Variants in CPLANE1 observed in about 807,000 individuals in gnomAD.
CPLANE1 encodes ciliogenesis and planar polarity effector 1.
In CPLANE1, 263 loss-of-function variants were observed where a neutral mutation model predicts 362.5. That is an observed-to-expected ratio of 0.73 (90% CI 0.66 to 0.80). The LOEUF (loss-of-function observed/expected upper bound fraction) is 0.80, where lower values mean the gene tolerates loss of function less well. Ranked by LOEUF, CPLANE1 falls within the 30% of genes least tolerant of loss-of-function variation. The pLI is 0.00. For missense variants in CPLANE1, 3,461 were observed against 3,793.4 expected, an observed-to-expected ratio of 0.91 and a Z score of 2.30; for synonymous variants, 1,212 against 1,302.6, an observed-to-expected ratio of 0.93 and a Z score of 1.50.
rs1377605060 is a variant in CPLANE1 at position 37,245,726 on chromosome 5, T to C, written c.201A>G (p.Leu67=). Reference sequence around the variant, plus strand: ...CTACTTAACCATTACTGGATGTTGTTAGGACAATAACATCCTTCAAGAAAG... The same window carrying C: ...CTACTTAACCATTACTGGATGTTGTCAGGACAATAACATCCTTCAAGAAAG... ...LQPFLKDVIV[L]TTSSNDAWLA... is the part of the protein sequence containing the mutation. Residue 67 remains leucine, a synonymous_variant, in exon 3 of 53, where the codon CTA becomes CTG. Coordinates refer to ENST00000651892, the MANE Select transcript of CPLANE1 (RefSeq NM_001384732.1). 6.6e-7 allele frequency: 1 copy of C among 1,524,474 alleles called. No homozygotes were observed. The highest frequency in any genetic ancestry group is 2.5e-5 in the East Asian group (1 of 40,524). 94.4% of individuals were successfully genotyped at this position (1,524,474 alleles called of 1,614,324 possible).
At chr5:37,214,208 T>C (rs1350257606) in intron 15 of CPLANE1, among the ~76,000 whole-genome samples, 1 of 152,242 alleles carries the variant, frequency 6.6e-6, no homozygotes, top group African/African-American at 2.4e-5. Flanking sequence ...CTTACACCTA[T>C]AATCCCAGCA....
At chr5:37,138,514 G>T (rs535653961) in intron 46 of CPLANE1, 5 of 694,638 alleles carry the variant, frequency 7.2e-6, no homozygotes, top group South Asian at 6.9e-5. Context: ...AGTGATTCTT[G>T]GGAAAACCCA....
rs1796564543 is a variant in CPLANE1 at position 37,226,797 on chromosome 5, C to G, written c.1798G>C (p.Val600Leu). The G allele has an allele frequency of 6.5e-7, 1 of 1,549,008 alleles. No individual in the cohort carries two copies. Among genetic ancestry groups the G allele is most frequent in the Non-Finnish European group, 8.7e-7 (1 of 1,145,862 alleles). ...ATGTAAAAAAAATGAGTGATACAAA[C>G]TACTATGTAATTTAACATTAAATTT... ...EKNLMLNYIV[V>L]CITHFFYILQ... The change falls in exon 12 of 53, where the codon GTT (valine) becomes CTT (leucine). Residue 600 changes from valine to leucine, a missense_variant. Val to Leu is a conservative substitution (Grantham distance 32). This residue lies in a region of CPLANE1 where 3,380 missense variants were observed against 3,666.1 expected (regional missense o/e 0.92). Coordinates refer to ENST00000651892, the MANE Select transcript of CPLANE1 (RefSeq NM_001384732.1).
intron 21 of CPLANE1, among the ~76,000 whole-genome samples, chr5:37,192,738 C>A (rs1006933629): frequency 6.6e-6 from 1 of 151,348 alleles, no homozygotes; most frequent in Non-Finnish European, 1.5e-5. Flanking sequence ...GTGGCAGGCG[C>A]CTGTAGTCCC....
At chr5:37,137,256 A>G (rs1319762753) in intron 46 of CPLANE1, among the ~76,000 whole-genome samples, 2 of 152,198 alleles carry the variant, frequency 1.3e-5, no homozygotes, top group Non-Finnish European at 2.9e-5. Context: ...CTAAAACATA[A>G]TAAGAATCAC....
chr5:37,134,376 G>A (rs1766931350), intron 46 of CPLANE1, among the ~76,000 whole-genome samples: 1 of 152,144 alleles, frequency 6.6e-6, no homozygotes, highest in Non-Finnish European at 1.5e-5. Context: ...GAGGGGTTGT[G>A]TGTTTCCAGG....
At chr5:37,191,692 T>C (rs1785588221) in intron 21 of CPLANE1, among the ~76,000 whole-genome samples, 2 of 152,112 alleles carry the variant, frequency 1.3e-5, no homozygotes, top group East Asian at 1.9e-4. Flanking sequence ...ATAAATTAGC[T>C]GGTACAGTGG....
chr5:37,128,458 T>C (rs1764855821), intron 46 of CPLANE1, among the ~76,000 whole-genome samples: 2 of 152,210 alleles, frequency 1.3e-5, no homozygotes, highest in Non-Finnish European at 2.9e-5. Context: ...TGAATGCATG[T>C]ATCACTGCTG....
At chr5:37,238,993 A>T in intron 7 of CPLANE1, 33 bp from the exon 8 acceptor site, 1 of 1,100,100 alleles carries the variant, frequency 9.1e-7, no homozygotes, top group Non-Finnish European at 1.3e-6. Flanking sequence ...GAAAACTATT[A>T]AAATTATTTT....
intron 25 of CPLANE1, 122 bp from the exon 26 acceptor site, chr5:37,183,821 T>C: frequency 1.5e-6 from 1 of 648,252 alleles, no homozygotes; most frequent in East Asian, 2.9e-5. Flanking sequence ...GTGCCTCAAT[T>C]ACCTACATTT....
chr5:37,224,157 C>T, intron 14 of CPLANE1, 96 bp downstream of exon 14: 1 of 734,512 alleles, frequency 1.4e-6, no homozygotes, highest in Non-Finnish European at 2.2e-6. Flanking sequence ...TATAATGGCA[C>T]ATATTTTTTG....
At chr5:37,187,660 T>TA in intron 22 of CPLANE1, 73 bp downstream of exon 22, 2 of 1,552,184 alleles carry the variant, frequency 1.3e-6, no homozygotes, top group Non-Finnish European at 1.8e-6. Flanking sequence ...CTACAAACAA[T>TA]AAAATCTTCT....
Position 37,157,795 on chromosome 5 carries a change from T to C in CPLANE1, c.7886A>G (p.Glu2629Gly). ...TTTGATAACATTATCATTTGAAGGC[T>C]CTTCTCTCACAGGTAATTCCTGTAG... ...DLLQELPVRE[E>G]PSNDNVIKQQ... is the part of the protein sequence containing the mutation. The change falls in exon 40 of 53, where the codon GAG becomes GGG. Residue 2629 changes from glutamate to glycine, a missense_variant. Glu to Gly is a moderately conservative substitution (Grantham distance 98). Transcript: ENST00000651892. 1 of 1,613,690 alleles carries C rather than the reference T, an allele frequency of 6.2e-7. No individual in the cohort carries two copies. The highest frequency in any genetic ancestry group is 8.5e-7 in the Non-Finnish European group (1 of 1,179,770).
chr5:37,229,154 T>C (rs559247673), intron 9 of CPLANE1, among the ~76,000 whole-genome samples: 4 of 142,888 alleles, frequency 2.8e-5, no homozygotes, highest in East Asian at 4.2e-4. Flanking sequence ...GAGGTGGTGG[T>C]TGCAGTAAGC....
At chr5:37,154,857 G>A (rs1268657962) in intron 41 of CPLANE1, among the ~76,000 whole-genome samples, 2 of 152,072 alleles carry the variant, frequency 1.3e-5, no homozygotes, top group Non-Finnish European at 2.9e-5. Flanking sequence ...TGTCCCATAA[G>A]CATATAAAAA....
intron 16 of CPLANE1, chr5:37,211,253 T>C: frequency 6.6e-7 from 1 of 1,504,296 alleles, no homozygotes; most frequent in Non-Finnish European, 9.2e-7. Context: ...TTGTCGCCAA[T>C]ACTAATGCAA....
chr5:37,169,266 G>A lies in CPLANE1; in HGVS notation c.6758C>T (p.Pro2253Leu). The A allele has an allele frequency of 1.2e-6, 2 of 1,614,198 alleles. No homozygotes were observed. Among genetic ancestry groups the A allele is most frequent in the Non-Finnish European group, 1.7e-6 (2 of 1,180,034 alleles). ...CCAAGCCTCTCTTGGTTGTGGCAAAGGCCTGAAGGGAACTTGTGGAATACT... is the reference window on the plus strand; with the variant it reads ...CCAAGCCTCTCTTGGTTGTGGCAAAAGCCTGAAGGGAACTTGTGGAATACT... ...TGSIPQVPFRPLPQPREAWGL... is the reference protein window; with the variant it reads ...TGSIPQVPFRLLPQPREAWGL... Residue 2253 changes from proline (P) to leucine (L), a missense_variant, in exon 34 of 53, where the codon CCT becomes CTT. Transcript: ENST00000651892.
chr5:37,181,169 A>G (rs1782569612), intron 26 of CPLANE1, among the ~76,000 whole-genome samples, 164 bp from the exon 27 acceptor site: 1 of 152,192 alleles, frequency 6.6e-6, no homozygotes, highest in Non-Finnish European at 1.5e-5. Context: ...TGAAGCAATG[A>G]TCAAGTCTTT....
intron 19 of CPLANE1, among the ~76,000 whole-genome samples, chr5:37,201,239 A>C (rs993925247): frequency 6.6e-6 from 1 of 152,116 alleles, no homozygotes; most frequent in Non-Finnish European, 1.5e-5. Flanking sequence ...TAATTTTTAA[A>C]AGTCTGGATA....
Sources: gnomAD v4.1 joint callset for allele counts (sites outside exome capture counted in the v4.1 genomes callset) on GRCh38, gnomAD v4.1.1 for gene constraint, gnomAD v4.1.1 regional missense constraint, MANE v1.5 for transcripts, NCBI Gene and HGNC (gene_info 2026-07-23, HGNC 2026-07-21) for gene names.